The following PCDH15 variants were observed in gnomAD, a reference collection of about 807,000 sequenced individuals.
PCDH15 encodes the protein protocadherin-15.
A neutral mutation model predicts 178.5 loss-of-function variants in PCDH15; 129 were observed. The ratio of observed to expected loss-of-function variants is 0.72; its 90% CI spans 0.63 to 0.84. PCDH15 has a LOEUF of 0.84. PCDH15 is among the 40% of genes least tolerant of loss of function. PCDH15 has a pLI of 0.00. For missense variants in PCDH15, 2,230 were observed against 2,099.9 expected, an observed-to-expected ratio of 1.06 and a Z score of -1.21; for synonymous variants, 800 against 732.0, an observed-to-expected ratio of 1.09 and a Z score of -1.50.
intron 1 of PCDH15, among the ~76,000 whole-genome samples, chr10:54,665,795 T>C (rs2135439086): frequency 6.6e-6 from 1 of 152,156 alleles, no homozygotes; most frequent in African/African-American, 2.4e-5. Context: ...GGCAAAGTGC[T>C]TGGCGCGTGC....
chr10:54,731,988 T>A (rs1399329913), intron 1 of PCDH15, among the ~76,000 whole-genome samples: 4 of 151,350 alleles, frequency 2.6e-5, no homozygotes, highest in South Asian at 4.1e-4. Flanking sequence ...TTAATGGATA[T>A]CTCAATTACA....
chr10:54,426,906 T>TA (rs879760295), intron 3 of PCDH15, among the ~76,000 whole-genome samples: 136 of 144,702 alleles, frequency 9.4e-4, no homozygotes, highest in East Asian at 8.6e-3. Flanking sequence ...CCCATGAGTA[T>TA]AAAAAAAAAA....
At position 55,281,871 on chromosome 10, in the gene PCDH15, T is replaced by A. The variant is rs578255056; in HGVS notation, c.-156+37728A>T. Among the ~76,000 whole-genome samples, 313 of 152,024 alleles carry A rather than the reference T, an allele frequency of 2.1e-3. 1 individual carries two copies. The highest frequency in any genetic ancestry group is 7.3e-3 in the African/African-American group (305 of 41,548). On this transcript the variant is annotated intron_variant, in intron 1 of 5. Transcript: ENST00000458638. ...TGATATTTATTCCTTATACTTTCTC[T>A]CCTTCTAAAACTTTTCTAAGTTCTA...
At chr10:53,860,867 A>G (rs1218933097) in intron 27 of PCDH15, among the ~76,000 whole-genome samples, 1 of 152,086 alleles carries the variant, frequency 6.6e-6, no homozygotes, top group Non-Finnish European at 1.5e-5. Flanking sequence ...TACATTTTGA[A>G]AATATACTTT....
At chr10:54,241,086 A>G (rs2131887561) in intron 8 of PCDH15, among the ~76,000 whole-genome samples, 1 of 152,302 alleles carries the variant, frequency 6.6e-6, no homozygotes, top group South Asian at 2.1e-4. Flanking sequence ...TTATCCAAAG[A>G]GATCACTACT....
intron 2 of PCDH15, among the ~76,000 whole-genome samples, chr10:55,492,421 A>G (rs1180094391): frequency 1.3e-5 from 2 of 151,890 alleles, no homozygotes; most frequent in East Asian, 3.9e-4. Flanking sequence ...GCAAGCATTT[A>G]TTAGTCAAAG....
Position 54,213,965 on chromosome 10 carries a change from A to C in PCDH15, c.1069T>G (p.Phe357Val), listed in dbSNP as rs2051720990. 1.2e-6 allele frequency: 2 copies of C among 1,605,958 alleles called. No individual in the cohort carries two copies. Among genetic ancestry groups the C allele is most frequent in the Non-Finnish European group, 1.7e-6 (2 of 1,172,972 alleles). ...LSLLEPVNRD[F>V]HQKFDLVIKA... Reference sequence around the variant, plus strand: ...ATAACCAAATCAAATTTCTGGTGAAAGTCTCTGTTTACTGGCTCCAGGAGA... The same window carrying C: ...ATAACCAAATCAAATTTCTGGTGAACGTCTCTGTTTACTGGCTCCAGGAGA... Residue 357 changes from phenylalanine (F) to valine (V), a missense_variant, in exon 10 of 38, where the codon TTT becomes GTT. Phe to Val is a conservative substitution (Grantham distance 50). Coordinates refer to ENST00000644397, the MANE Select transcript of PCDH15 (RefSeq NM_001384140.1).
chr10:54,957,311 T>A (rs530502167), intron 2 of PCDH15, among the ~76,000 whole-genome samples: 115 of 151,676 alleles, frequency 7.6e-4, no homozygotes, highest in African/African-American at 2.7e-3. Flanking sequence ...CTGAGGATAA[T>A]GCAAGCAGAA....
chr10:54,097,726 A>C (rs1264878811), intron 15 of PCDH15, among the ~76,000 whole-genome samples: 1 of 152,184 alleles, frequency 6.6e-6, no homozygotes, highest in African/African-American at 2.4e-5. Flanking sequence ...TATAAGCCTT[A>C]ATGATTACAT....
chr10:54,174,564 G>C (rs2047231461), intron 13 of PCDH15, among the ~76,000 whole-genome samples: 1 of 151,730 alleles, frequency 6.6e-6, no homozygotes, highest in Non-Finnish European at 1.5e-5. Flanking sequence ...CATTAAATAA[G>C]TATATGAGAA....
intron 2 of PCDH15, among the ~76,000 whole-genome samples, chr10:55,469,648 A>C (rs2132105299): frequency 6.6e-6 from 1 of 152,082 alleles, no homozygotes; most frequent in African/African-American, 2.4e-5. Context: ...GAATGTTATC[A>C]TCCCTATAAA....
intron 2 of PCDH15, among the ~76,000 whole-genome samples, chr10:54,529,646 C>T (rs2083708059): frequency 6.6e-6 from 1 of 152,038 alleles, no homozygotes; most frequent in Non-Finnish European, 1.5e-5. Context: ...ATTTTGTTAT[C>T]TAAATTCATT....
intron 2 of PCDH15, among the ~76,000 whole-genome samples, chr10:55,496,374 A>T (rs546899663): frequency 7.8e-4 from 118 of 152,034 alleles, no homozygotes; most frequent in African/African-American, 2.6e-3. Flanking sequence ...CACAGCTTTG[A>T]TGAATTTATC....
At chr10:54,892,358 G>A (rs1315447745) in intron 3 of PCDH15, among the ~76,000 whole-genome samples, 1 of 151,998 alleles carries the variant, frequency 6.6e-6, no homozygotes, top group Non-Finnish European at 1.5e-5. Flanking sequence ...TAAGAATAAT[G>A]TGAAGTCATT....
At chr10:55,044,767 T>A (rs898921367) in intron 2 of PCDH15, among the ~76,000 whole-genome samples, 1 of 152,158 alleles carries the variant, frequency 6.6e-6, no homozygotes, top group African/African-American at 2.4e-5. Flanking sequence ...CATTTTATTT[T>A]ATCACTAAAC....
chr10:55,533,162 C>T (rs755642611), intron 2 of PCDH15, among the ~76,000 whole-genome samples: 25 of 152,108 alleles, frequency 1.6e-4, no homozygotes, highest in Non-Finnish European at 2.6e-4. Context: ...GCCTTGAAAA[C>T]GGCACAAGGT....
chr10:54,510,856 G>A (rs2081587171), intron 3 of PCDH15, among the ~76,000 whole-genome samples: 3 of 152,070 alleles, frequency 2.0e-5, no homozygotes, highest in Admixed American at 2.0e-4. Context: ...ACATAAAAAT[G>A]TGATAATAGT....
chr10:54,723,647 T>A (rs1942022866), intron 1 of PCDH15, among the ~76,000 whole-genome samples: 1 of 151,778 alleles, frequency 6.6e-6, no homozygotes, highest in South Asian at 2.1e-4. Context: ...AAATCATGCT[T>A]CTGACAGAAG....
chr10:55,192,936 T>C (rs1338087474), intron 1 of PCDH15, among the ~76,000 whole-genome samples: 1 of 150,772 alleles, frequency 6.6e-6, no homozygotes, highest in Non-Finnish European at 1.5e-5. Flanking sequence ...AAAATAGATA[T>C]AAAATATGCC....
Sources: gnomAD v4.1 joint callset for allele counts (sites outside exome capture counted in the v4.1 genomes callset) on GRCh38, gnomAD v4.1.1 for gene constraint, MANE v1.5 for transcripts, NCBI Gene and HGNC (gene_info 2026-07-23, HGNC 2026-07-21) for gene names.